The following OPRM1 variants were observed in gnomAD, a reference collection of about 807,000 sequenced individuals.
OPRM1 encodes opioid receptor mu 1, also known as mu-type opioid receptor.
A neutral mutation model predicts 31.8 loss-of-function variants in OPRM1; 27 were observed. That is an observed-to-expected ratio of 0.85 (90% CI 0.63 to 1.17). The LOEUF (loss-of-function observed/expected upper bound fraction) is 1.17. Among genes scored for constraint, OPRM1 ranks in the 50% most tolerant of loss-of-function variants. The pLI is 0.00. For missense variants in OPRM1, 536 were observed against 511.1 expected (o/e 1.05, Z -0.47); for synonymous variants, 196 against 189.9 (o/e 1.03, Z -0.26).
chr6:154,190,257 C>T (rs1412974280), intron 3 of OPRM1, among the ~76,000 whole-genome samples: 1 of 151,684 alleles, frequency 6.6e-6, no homozygotes, highest in Admixed American at 6.6e-5. Flanking sequence ...TACAAAGATT[C>T]AAAAGAAAAC....
intron 1 of OPRM1, among the ~76,000 whole-genome samples, chr6:154,081,707 T>C (rs1443601317): frequency 1.3e-5 from 2 of 152,030 alleles, no homozygotes; most frequent in East Asian, 3.9e-4. Flanking sequence ...GTCAGAGAGG[T>C]GGAAGAGTAT....
At chr6:154,060,568 G>A (rs917736282) in intron 1 of OPRM1, among the ~76,000 whole-genome samples, 1 of 152,072 alleles carries the variant, frequency 6.6e-6, no homozygotes, top group African/African-American at 2.4e-5. Flanking sequence ...AGGTATCTGC[G>A]GAGACTTCCA....
At chr6:154,077,234 C>T (rs1218162789) in intron 1 of OPRM1, among the ~76,000 whole-genome samples, 1 of 152,086 alleles carries the variant, frequency 6.6e-6, no homozygotes, top group South Asian at 2.1e-4. Flanking sequence ...TTTAATAGCA[C>T]ACATAAATTC....
chr6:154,093,434 T>G, intron 3 of OPRM1: 1 of 1,613,918 alleles, frequency 6.2e-7, no homozygotes, highest in African/African-American at 1.3e-5. Context: ...GTGGAGCATT[T>G]CTCCTGAGTT....
chr6:154,042,078 C>T (rs998502072), intron 1 of OPRM1, among the ~76,000 whole-genome samples: 8 of 152,098 alleles, frequency 5.3e-5, no homozygotes, highest in Admixed American at 1.3e-4. Context: ...GCTTTATTCT[C>T]GGTACTGAAA....
upstream of OPRM1, among the ~76,000 whole-genome samples, chr6:154,035,925 A>G (rs573664320): frequency 6.6e-6 from 1 of 152,270 alleles, no homozygotes. Context: ...TATTGTACAA[A>G]TTACATATTA....
In OPRM1 at chr6:154,126,974, T is replaced by C. The variant is rs1391740108; in HGVS notation, c.*8253T>C. ...AAAATACAAAATTAGGAAGGCGTGG[T>C]GGTGCACGCCTGTAATCCCAGCTAG... On this transcript the variant is annotated 3_prime_UTR_variant, in exon 4 of 4. Transcript: ENST00000330432. Among the ~76,000 whole-genome samples the C allele has an allele frequency of 6.6e-6, 1 of 152,036 alleles. No homozygotes were observed. The highest frequency in any genetic ancestry group is 6.6e-5 in the Admixed American group (1 of 15,262).
intron 1 of OPRM1, among the ~76,000 whole-genome samples, chr6:154,061,718 T>C (rs905463434): frequency 6.6e-6 from 1 of 151,862 alleles, no homozygotes; most frequent in Non-Finnish European, 1.5e-5. Context: ...TATCAGGCAC[T>C]ATGCTCACTA....
At chr6:154,146,775 C>T (rs1488917399) in intron 3 of OPRM1, among the ~76,000 whole-genome samples, 5 of 152,078 alleles carry the variant, frequency 3.3e-5, no homozygotes. Context: ...CATGGAAGAG[C>T]CATGCCGAGG....
Position 154,039,410 on chromosome 6 carries a change from G to A in OPRM1, c.-135G>A. 1 of 1,550,320 alleles carries A rather than the reference G, an allele frequency of 6.5e-7. No individual in the cohort carries two copies. Among genetic ancestry groups the A allele is most frequent in the Non-Finnish European group, 8.7e-7 (1 of 1,146,166 alleles). On this transcript the variant is annotated 5_prime_UTR_variant, in exon 1 of 4. Transcript: ENST00000330432. ...CCGCCTGACGCTCCTCTCTGTCTCA[G>A]CCAGGACTGGTTTCTGTAAGAAACA... is the stretch of plus-strand genomic sequence containing the variant.
chr6:154,172,553 A>C (rs1352132010), intron 3 of OPRM1, among the ~76,000 whole-genome samples: 1 of 152,192 alleles, frequency 6.6e-6, no homozygotes, highest in Non-Finnish European at 1.5e-5. Context: ...CAGCAGTCTG[A>C]GATTGTCCTG....
chr6:154,012,061 C>A (rs995009702), intron 1 of OPRM1, among the ~76,000 whole-genome samples: 1 of 152,052 alleles, frequency 6.6e-6, no homozygotes, highest in Non-Finnish European at 1.5e-5. Flanking sequence ...ATCAATAACA[C>A]CAATGGAATT....
intron 3 of OPRM1, among the ~76,000 whole-genome samples, chr6:154,173,091 G>A (rs1284169865): frequency 1.3e-5 from 2 of 152,212 alleles, no homozygotes; most frequent in East Asian, 1.9e-4. Flanking sequence ...CTGTTACAAG[G>A]AAAACTAACA....
chr6:154,157,643 T>C (rs1268230186), intron 3 of OPRM1: 1 of 152,204 alleles, frequency 6.6e-6, no homozygotes, highest in African/African-American at 2.4e-5. Context: ...CAAAAGTGTC[T>C]GGAGCTCTTC....
At chr6:154,039,030 C>A, upstream of OPRM1, 1 of 1,089,260 alleles carries the variant, frequency 9.2e-7, no homozygotes, top group Non-Finnish European at 1.3e-6. Context: ...CCAATGTATT[C>A]CCTGCCAGAT....
chr6:154,012,565 T>G (rs1356240260), intron 1 of OPRM1, among the ~76,000 whole-genome samples: 1 of 152,134 alleles, frequency 6.6e-6, no homozygotes, highest in East Asian at 1.9e-4. Flanking sequence ...AAGGTAGGAT[T>G]TGGTCACAAT....
chr6:154,063,706 A>C (rs1784826809), intron 1 of OPRM1, among the ~76,000 whole-genome samples: 2 of 152,122 alleles, frequency 1.3e-5, no homozygotes, highest in African/African-American at 2.4e-5. Context: ...TTCTGTCTCT[A>C]TGATTTTGAC....
At chr6:154,109,810 G>C (rs902023395) in intron 3 of OPRM1, among the ~76,000 whole-genome samples, 236 of 123,550 alleles carry the variant, frequency 1.9e-3, no homozygotes, top group Non-Finnish European at 3.7e-3. Flanking sequence ...GTGTGTGTGT[G>C]TGTGTGTGTG....
At chr6:154,093,617 T>G (rs1583502785) in intron 3 of OPRM1, 2 of 1,259,010 alleles carry the variant, frequency 1.6e-6, no homozygotes, top group East Asian at 5.1e-5. Flanking sequence ...CAATTAGGCC[T>G]TATCTTCATC....
Sources: gnomAD v4.1 joint callset for allele counts (sites outside exome capture counted in the v4.1 genomes callset) on GRCh38, gnomAD v4.1.1 for gene constraint, MANE v1.5 for transcripts, NCBI Gene and HGNC (gene_info 2026-07-23, HGNC 2026-07-21) for gene names.